The following PIBF1 variants were observed in gnomAD, a reference collection of about 807,000 sequenced individuals.
PIBF1 encodes progesterone-induced-blocking factor 1.
In PIBF1, 90 loss-of-function variants were observed where a neutral mutation model predicts 112.5. The observed-to-expected ratio is 0.80, with a 90% confidence interval of 0.67 to 0.95. PIBF1 has a LOEUF of 0.95. Among genes scored for constraint, PIBF1 ranks in the 40% least tolerant of loss-of-function variants. The pLI is 0.00. For synonymous variants in PIBF1, 301 were observed against 288.6 expected (o/e 1.04, Z -0.44); for missense variants, 915 against 852.3 (o/e 1.07, Z -0.92).
At chr13:72,783,817 T>G in intron 2 of PIBF1, 96 bp downstream of exon 2, 2 of 1,115,708 alleles carry the variant, frequency 1.8e-6, no homozygotes, top group Non-Finnish European at 1.3e-6. Flanking sequence ...GAACTTGAAA[T>G]GATACATTTA....
At position 72,965,458 on chromosome 13, in the gene PIBF1, G is replaced by C. The variant is rs2042716727; in HGVS notation, c.1964+54G>C. On this transcript the variant is annotated intron_variant, in intron 15 of 17. Coordinates refer to ENST00000326291, the MANE Select transcript of PIBF1 (RefSeq NM_006346.4). ...ATAATAAAGACATTGTTACCATATT[G>C]CTGCTGTAGGTGAATTTGGGTTGTA... The C allele has an allele frequency of 2.9e-6, 4 of 1,400,984 alleles. No individual in the cohort carries two copies. In the Admixed American group the frequency reaches 8.5e-5, roughly 30 times the overall value. 86.8% of individuals were successfully genotyped at this position (1,400,984 alleles called of 1,614,324 possible).
intron 5 of PIBF1, among the ~76,000 whole-genome samples, chr13:72,807,718 T>C (rs2035806332): frequency 6.6e-6 from 1 of 152,216 alleles, no homozygotes; most frequent in South Asian, 2.1e-4. Context: ...GTGGACTGAT[T>C]ATAAATGAAT....
chr13:72,902,647 T>G (rs2040538232), intron 11 of PIBF1, among the ~76,000 whole-genome samples: 1 of 152,228 alleles, frequency 6.6e-6, no homozygotes, highest in Non-Finnish European at 1.5e-5. Context: ...TGTCGCAGCA[T>G]TATTTATTAT....
intron 9 of PIBF1, among the ~76,000 whole-genome samples, chr13:72,849,785 T>A (rs1189000479): frequency 6.6e-6 from 1 of 152,176 alleles, no homozygotes; most frequent in Non-Finnish European, 1.5e-5. Context: ...CCAAATTGTT[T>A]GGGTGCACAT....
chr13:72,828,278 T>TTC (rs1566323783), intron 8 of PIBF1, among the ~76,000 whole-genome samples: 1 of 150,976 alleles, frequency 6.6e-6, no homozygotes, highest in East Asian at 1.9e-4. Flanking sequence ...TTTTTTTTTT[T>TTC]TTTTTTTATA....
At chr13:72,976,839 A>G (rs2043034297) in intron 16 of PIBF1, among the ~76,000 whole-genome samples, 1 of 152,214 alleles carries the variant, frequency 6.6e-6, no homozygotes, top group African/African-American at 2.4e-5. Context: ...GTCAATAGAT[A>G]ACATTGGTTA....
chr13:72,802,947 A>G (rs1258783854), intron 5 of PIBF1, among the ~76,000 whole-genome samples: 1 of 152,194 alleles, frequency 6.6e-6, no homozygotes, highest in East Asian at 1.9e-4. Context: ...AAAGGGCAAA[A>G]GTTTGTCAAG....
intron 5 of PIBF1, among the ~76,000 whole-genome samples, chr13:72,811,606 A>G (rs867687365): frequency 9.7e-6 from 1 of 102,690 alleles, no homozygotes; most frequent in African/African-American, 3.6e-5. Flanking sequence ...AAAAAAAAAA[A>G]AAAGAGAGAG....
chr13:72,954,935 A>G lies in PIBF1; in HGVS notation c.1834-10339A>G, dbSNP rs147899903. On this transcript the variant is annotated intron_variant, in intron 14 of 17. Transcript: ENST00000326291. The stretch of plus-strand genomic sequence containing the variant: ...GTATCCTCCCTACAGTACTCCCAGT[A>G]TCTGCAGGTCACAGAGCCACAGAGG... Among the ~76,000 whole-genome samples the G allele has an allele frequency of 1.2e-3, 177 of 152,310 alleles. No individual in the cohort carries two copies. The East Asian group carries it at 0.021, about 18-fold the overall frequency.
intron 17 of PIBF1, among the ~76,000 whole-genome samples, chr13:73,001,446 T>G (rs182985789): frequency 2.2e-4 from 33 of 152,152 alleles, no homozygotes; most frequent in Non-Finnish European, 2.1e-4. Context: ...GATAGTAAAT[T>G]CAGTGATGGA....
intron 9 of PIBF1, among the ~76,000 whole-genome samples, chr13:72,852,195 C>T (rs2038191198): frequency 6.6e-6 from 1 of 152,006 alleles, no homozygotes; most frequent in African/African-American, 2.4e-5. Context: ...ATTGCTGCAG[C>T]CCTTTGGGGA....
chr13:72,998,109 G>A (rs1272397386), intron 16 of PIBF1, among the ~76,000 whole-genome samples: 3 of 152,184 alleles, frequency 2.0e-5, no homozygotes, highest in African/African-American at 7.2e-5. Context: ...CTGACTAGTA[G>A]CCAAGATTGG....
chr13:72,889,941 T>G (rs546230227), intron 10 of PIBF1, among the ~76,000 whole-genome samples: 2 of 152,280 alleles, frequency 1.3e-5, no homozygotes, highest in South Asian at 4.1e-4. Context: ...AATTCAAAAA[T>G]CAGTTGTTTC....
intron 16 of PIBF1, among the ~76,000 whole-genome samples, chr13:72,984,289 T>C (rs888805885): frequency 6.6e-6 from 1 of 152,192 alleles, no homozygotes; most frequent in Non-Finnish European, 1.5e-5. Flanking sequence ...AATTATGTTA[T>C]ACTACCCTAC....
intron 5 of PIBF1, among the ~76,000 whole-genome samples, chr13:72,820,465 C>T (rs1368986777): frequency 6.6e-6 from 1 of 152,138 alleles, no homozygotes; most frequent in Non-Finnish European, 1.5e-5. Context: ...ACATTCCATT[C>T]TCATGGAAAA....
intron 8 of PIBF1, among the ~76,000 whole-genome samples, chr13:72,832,469 A>C (rs1192742579): frequency 6.6e-6 from 1 of 152,150 alleles, no homozygotes; most frequent in Non-Finnish European, 1.5e-5. Context: ...TGTTGGTGAC[A>C]AAATCTCTCA....
In PIBF1 at chr13:72,965,262, G is replaced by A. The variant is rs374525107; in HGVS notation, c.1834-12G>A. 6 of 1,603,698 alleles carry A rather than the reference G, an allele frequency of 3.7e-6. No individual in the cohort carries two copies. Among genetic ancestry groups the A allele is most frequent in the African/African-American group, 2.7e-5 (2 of 74,540 alleles). ...CATTTTCTAGATTTTAATGAAACCT[G>A]TGTTTCTTTAGCTTGACAGAGCCAA... is the stretch of plus-strand genomic sequence containing the variant. On this transcript the variant is annotated splice_polypyrimidine_tract_variant and intron_variant, in intron 14 of 17. Transcript: ENST00000326291.
At chr13:72,865,565 T>C (rs2038891124) in intron 10 of PIBF1, among the ~76,000 whole-genome samples, 1 of 152,224 alleles carries the variant, frequency 6.6e-6, no homozygotes, top group Admixed American at 6.5e-5. Flanking sequence ...CTGTGTCTTA[T>C]TATTTTTAAC....
At chr13:72,949,298 G>GTTTTTTTTTTT (rs1566481285) in intron 14 of PIBF1, among the ~76,000 whole-genome samples, 3 of 80,910 alleles carry the variant, frequency 3.7e-5, no homozygotes, top group Non-Finnish European at 7.3e-5. Flanking sequence ...ACAAATAGCT[G>GTTTTTTTTTTT]TCTTTTTTTT....
Sources: allele counts gnomAD v4.1 joint callset (sites outside exome capture counted in the v4.1 genomes callset), GRCh38; gene constraint gnomAD v4.1.1; transcripts MANE v1.5; gene names NCBI Gene and HGNC (gene_info 2026-07-23, HGNC 2026-07-21).